The following UGT2B4 variants were observed in gnomAD, a reference collection of about 807,000 sequenced individuals.
UGT2B4 encodes the protein UDP-glucuronosyltransferase 2B4.
A neutral mutation model predicts 49.8 loss-of-function variants in UGT2B4; 49 were observed. That is an observed-to-expected ratio of 0.98 (90% confidence interval 0.78 to 1.25). The LOEUF (loss-of-function observed/expected upper bound fraction) is 1.25. Ranked by LOEUF, UGT2B4 falls within the 50% of genes most tolerant of loss-of-function variation. The pLI is 0.00. For synonymous variants in UGT2B4, 246 were observed against 217.7 expected (o/e 1.13, Z -1.14); for missense variants, 729 against 627.7 (o/e 1.16, Z -1.73).
intron 1 of UGT2B4, among the ~76,000 whole-genome samples, chr4:69,516,060 G>A (rs2195843): frequency 0.029 from 4,398 of 152,082 alleles, 211 homozygotes; most frequent in African/African-American, 0.1. Context: ...TCTTCTCATC[G>A]TTCAGCTCCC....
In UGT2B4 at chr4:69,481,091, G is replaced by GAAAAAAAAAA. The variant is rs57494102; in HGVS notation, c.1311-191_1311-182dup. ...GTCACCCCGTCTCCAGTAAAAATATGAAAAAAAAAAAAAAAAAAAAAAAAA... is the reference window on the plus strand; with the variant it reads ...GTCACCCCGTCTCCAGTAAAAATATGAAAAAAAAAAAAAAAAAAAAAAAAAAAAAAAAAAA... On this transcript the variant is annotated intron_variant, in intron 5 of 5. Coordinates refer to ENST00000305107, the MANE Select transcript of UGT2B4 (RefSeq NM_021139.3). Among the ~76,000 whole-genome samples, 45 of 67,810 alleles carry GAAAAAAAAAA rather than the reference G, an allele frequency of 6.6e-4. 2 individuals carry two copies. The highest frequency in any genetic ancestry group is 2.9e-3 in the East Asian group (6 of 2,100). 44.5% of individuals were successfully genotyped at this position (67,810 alleles called of 152,430 possible). A position where few individuals can be genotyped will look rare whatever the true frequency, so the allele number is the denominator to read the frequency against.
At position 69,508,883 on chromosome 4, in the gene UGT2B4, A is replaced by G. The variant is rs112026418; in HGVS notation, c.-105-12917T>C. On this transcript the variant is annotated intron_variant, in intron 1 of 1. Transcript: ENST00000510114. ...GCATATATTTTAAGTGTAAAATACA[A>G]TACTGTTAAGTATAGCCACAACATT... is the stretch of plus-strand genomic sequence containing the variant. Among the ~76,000 whole-genome samples the G allele has an allele frequency of 6.6e-5, 10 of 152,270 alleles. 1 individual carries two copies. The highest frequency in any genetic ancestry group is 2.4e-4 in the African/African-American group (10 of 41,552).
At chr4:69,487,090 G>A (rs1175735061) in intron 3 of UGT2B4, among the ~76,000 whole-genome samples, 1 of 152,130 alleles carries the variant, frequency 6.6e-6, no homozygotes, top group East Asian at 1.9e-4. Context: ...AATAACAGAT[G>A]CTTGTGATGT....
Position 69,480,536 on chromosome 4 carries a change from C to G in UGT2B4, c.*98G>C. On this transcript the variant is annotated 3_prime_UTR_variant, in exon 6 of 6. Coordinates refer to ENST00000305107, the MANE Select transcript of UGT2B4 (RefSeq NM_021139.3). ...GTAAGTTTTGAAAGATGTTTTGTCA[C>G]AAGAAGAAAGGAATCTCTTGTATCA... 1.3e-6 allele frequency: 2 copies of G among 1,504,376 alleles called. No individual in the cohort carries two copies. The highest frequency in any genetic ancestry group is 1.8e-6 in the Non-Finnish European group (2 of 1,125,166). 93.2% of individuals were successfully genotyped at this position (1,504,376 alleles called of 1,614,324 possible). A position where few individuals can be genotyped will look rare whatever the true frequency, so the allele number is the denominator to read the frequency against.
chr4:69,498,504 C>CT (rs112691314), upstream of UGT2B4, among the ~76,000 whole-genome samples: 467 of 141,402 alleles, frequency 3.3e-3, 1 homozygote, highest in African/African-American at 4.7e-3. Flanking sequence ...TGATTTTGGG[C>CT]TTTTTTTTTT....
chr4:69,505,880 C>A (rs1728455255), intron 1 of UGT2B4, among the ~76,000 whole-genome samples: 1 of 152,096 alleles, frequency 6.6e-6, no homozygotes. Context: ...GACTACAGTC[C>A]AATCAACTTA....
At chr4:69,489,409 T>A (rs745335602) in intron 3 of UGT2B4, 30 bp downstream of exon 3, 1 of 1,604,456 alleles carries the variant, frequency 6.2e-7, no homozygotes, top group East Asian at 2.2e-5. Context: ...TTTCAGTAGT[T>A]TTTTACACCA....
chr4:69,496,245 T>TC (rs1728160539), upstream of UGT2B4, among the ~76,000 whole-genome samples: 1 of 152,018 alleles, frequency 6.6e-6, no homozygotes, highest in Non-Finnish European at 1.5e-5. Context: ...CAGGATGGTC[T>TC]CGAACCCCTG....
At chr4:69,484,418 C>T (rs1446911308) in intron 5 of UGT2B4, among the ~76,000 whole-genome samples, 3 of 151,654 alleles carry the variant, frequency 2.0e-5, no homozygotes, top group East Asian at 1.9e-4. Flanking sequence ...TATGGCATAC[C>T]CATATTATAA....
chr4:69,492,276 T>A (rs945337080), intron 2 of UGT2B4, among the ~76,000 whole-genome samples: 1 of 152,086 alleles, frequency 6.6e-6, no homozygotes, highest in Admixed American at 6.6e-5. Context: ...TCTAATAGGG[T>A]ATGTTTATGC....
At chr4:69,499,539 G>T (rs1453231247), upstream of UGT2B4, among the ~76,000 whole-genome samples, 1 of 152,070 alleles carries the variant, frequency 6.6e-6, no homozygotes, top group Non-Finnish European at 1.5e-5. Flanking sequence ...CATGAGTCTG[G>T]GTGCTTCTGT....
In UGT2B4 at chr4:69,480,785, G is replaced by A. The variant is rs1349937415; in HGVS notation, c.1436C>T (p.Ala479Val). ...CTGGAACCAGGTGAGGTCGTGGGCT[G>A]CAACCCGAAGGTGCTTGGCTCCTTT... ...RHKGAKHLRV[A>V]AHDLTWFQYH... is the part of the protein sequence containing the mutation. Residue 479 changes from alanine to valine, a missense_variant, in exon 6 of 6, where the codon GCA becomes GTA. By Grantham distance (64) the Ala-to-Val change is moderately conservative. Coordinates refer to ENST00000305107, the MANE Select transcript of UGT2B4 (RefSeq NM_021139.3). 1 of 1,613,968 alleles carries A rather than the reference G, an allele frequency of 6.2e-7. No individual in the cohort carries two copies. The highest frequency in any genetic ancestry group is 8.5e-7 in the Non-Finnish European group (1 of 1,179,884).
intron 1 of UGT2B4, among the ~76,000 whole-genome samples, chr4:69,520,360 G>A (rs1014455632): frequency 4.6e-5 from 7 of 152,220 alleles, no homozygotes; most frequent in African/African-American, 1.7e-4. Context: ...GAGGCTGCAT[G>A]CTCCACGGAC....
rs774817656 is a variant in UGT2B4, at chr4:69,495,817, G to A, written c.45C>T (p.Ser15=). The change falls in exon 1 of 6, where the codon AGC becomes AGT. Residue 15 remains serine (S), a synonymous_variant. Coordinates refer to ENST00000305107, the MANE Select transcript of UGT2B4 (RefSeq NM_021139.3). ...CACAACTCCCAGAGCTAAAGTAACAGCTCAGCTGTATCAGCAGAAGAGCTG... is the reference window on the plus strand; with the variant it reads ...CACAACTCCCAGAGCTAAAGTAACAACTCAGCTGTATCAGCAGAAGAGCTG... The part of the protein sequence containing the change: ...WTSALLLIQL[S]CYFSSGSCGK... The A allele has an allele frequency of 2.5e-6, 4 of 1,610,858 alleles. No individual in the cohort carries two copies. The highest frequency in any genetic ancestry group is 2.2e-5 in the East Asian group (1 of 44,832).
intron 1 of UGT2B4, 42 bp from the exon 2 acceptor site, chr4:69,493,883 A>G: frequency 1.3e-6 from 2 of 1,560,322 alleles, no homozygotes; most frequent in Non-Finnish European, 1.7e-6. Context: ...GACACAAGAT[A>G]ATTAAACTAG....
chr4:69,503,089 G>C (rs542148716), intron 1 of UGT2B4, among the ~76,000 whole-genome samples: 3 of 152,300 alleles, frequency 2.0e-5, no homozygotes, highest in Admixed American at 6.5e-5. Context: ...ACCATCAAAG[G>C]CCATCTCTTT....
upstream of UGT2B4, among the ~76,000 whole-genome samples, chr4:69,500,424 C>A (rs183767382): frequency 3.3e-3 from 413 of 126,676 alleles, 3 homozygotes; most frequent in African/African-American, 0.011. Flanking sequence ...AGAACAACAA[C>A]AAAAATAAAT....
At chr4:69,492,112 G>A (rs188155618) in intron 2 of UGT2B4, among the ~76,000 whole-genome samples, 8 of 152,052 alleles carry the variant, frequency 5.3e-5, no homozygotes, top group Non-Finnish European at 8.8e-5. Context: ...CTGAGGGCAC[G>A]ATTCAGATAC....
chr4:69,496,674 C>A (rs1728173430), upstream of UGT2B4, among the ~76,000 whole-genome samples: 1 of 152,134 alleles, frequency 6.6e-6, no homozygotes, highest in South Asian at 2.1e-4. Flanking sequence ...TTACTCCCTA[C>A]CCCTTCTTTC....
Sources: gnomAD v4.1 joint callset for allele counts (sites outside exome capture counted in the v4.1 genomes callset) on GRCh38, gnomAD v4.1.1 for gene constraint, MANE v1.5 for transcripts, NCBI Gene and HGNC (gene_info 2026-07-23, HGNC 2026-07-21) for gene names.